HECW2: variants seen among roughly 807,000 people sequenced by gnomAD.
The protein encoded by HECW2 is E3 ubiquitin-protein ligase HECW2.
HECW2 carries 61 observed loss-of-function variants against 175.2 expected under a neutral mutation model. The observed-to-expected ratio is 0.35, with a 90% CI of 0.28 to 0.43. The LOEUF is 0.43. Among genes scored for constraint, HECW2 ranks in the 20% least tolerant of loss-of-function variants. The pLI, the probability that HECW2 is intolerant of heterozygous loss-of-function variation, is 1.00. For synonymous variants in HECW2, 671 were observed against 731.0 expected (o/e 0.92, Z 1.32); for missense variants, 1,524 against 2,000.5 (o/e 0.76, Z 4.54).
intron 2 of HECW2, among the ~76,000 whole-genome samples, chr2:196,415,089 T>C (rs1695218073): frequency 1.3e-5 from 2 of 152,188 alleles, no homozygotes; most frequent in East Asian, 3.8e-4. Context: ...TCCAGAATCA[T>C]TCTCATGACC....
At chr2:196,397,134 CAAAAAAAAAA>C (rs10534508) in intron 2 of HECW2, among the ~76,000 whole-genome samples, 28 of 151,518 alleles carry the variant, frequency 1.8e-4, no homozygotes, top group African/African-American at 6.6e-4. Context: ...CAAAACAAAA[CAAAAAAAAAA>C]AAAACAAAAA....
intron 2 of HECW2, among the ~76,000 whole-genome samples, chr2:196,401,610 G>T (rs1177657633): frequency 6.6e-6 from 1 of 152,124 alleles, no homozygotes; most frequent in East Asian, 1.9e-4. Context: ...CAAAATATTA[G>T]GTTCAGGTGA....
intron 1 of HECW2, among the ~76,000 whole-genome samples, chr2:196,507,598 C>A (rs1183366519): frequency 3.9e-5 from 6 of 152,136 alleles, no homozygotes; most frequent in African/African-American, 1.2e-4. Context: ...AGTTGAGAAA[C>A]CCTGACTTAA....
At chr2:196,300,906 C>CA (rs1691024802) in intron 13 of HECW2, among the ~76,000 whole-genome samples, 1 of 151,588 alleles carries the variant, frequency 6.6e-6, no homozygotes, top group Non-Finnish European at 1.5e-5. Context: ...GGTATGTGTG[C>CA]AGGTTGTGCA....
intron 1 of HECW2, among the ~76,000 whole-genome samples, chr2:196,556,401 T>A (rs1689796195): frequency 6.6e-6 from 1 of 152,180 alleles, no homozygotes; most frequent in Admixed American, 6.5e-5. Context: ...CCAGAATGTA[T>A]TCATCTTATA....
chr2:196,528,002 T>C (rs1653129601), intron 1 of HECW2, among the ~76,000 whole-genome samples: 1 of 152,176 alleles, frequency 6.6e-6, no homozygotes, highest in Non-Finnish European at 1.5e-5. Flanking sequence ...CCATAAAAGA[T>C]TGAGTGATTT....
At chr2:196,420,609 G>C (rs910025919) in intron 2 of HECW2, among the ~76,000 whole-genome samples, 5 of 152,128 alleles carry the variant, frequency 3.3e-5, no homozygotes, top group Non-Finnish European at 7.4e-5. Flanking sequence ...AAACCAACAA[G>C]GATTTGAAGT....
intron 1 of HECW2, among the ~76,000 whole-genome samples, chr2:196,518,050 G>C (rs917115727): frequency 6.6e-6 from 1 of 152,026 alleles, no homozygotes; most frequent in East Asian, 1.9e-4. Flanking sequence ...AAATACGAAG[G>C]GGAGAAAGAA....
intron 21 of HECW2, among the ~76,000 whole-genome samples, chr2:196,237,909 T>G (rs746853902): frequency 2.0e-5 from 3 of 152,216 alleles, no homozygotes; most frequent in Non-Finnish European, 4.4e-5. Context: ...TGCTTAGTGT[T>G]AGAATCAGCC....
chr2:196,364,955 AG>A (rs1298163165), intron 2 of HECW2, among the ~76,000 whole-genome samples: 8 of 152,312 alleles, frequency 5.3e-5, no homozygotes, highest in South Asian at 4.1e-4. Flanking sequence ...ATTGATGTAA[AG>A]GGATAGAAAG....
intron 1 of HECW2, among the ~76,000 whole-genome samples, chr2:196,486,663 T>C (rs773019873): frequency 1.3e-5 from 2 of 152,126 alleles, no homozygotes; most frequent in African/African-American, 2.4e-5. Context: ...TACTGCAAAC[T>C]TGGACTATTT....
At chr2:196,272,823 T>A (rs754425868) in intron 16 of HECW2, among the ~76,000 whole-genome samples, 3 of 152,140 alleles carry the variant, frequency 2.0e-5, no homozygotes, top group Non-Finnish European at 4.4e-5. Flanking sequence ...CCCACATAAC[T>A]GTCTAAGCAA....
chr2:196,491,438 C>T (rs1368357425), intron 1 of HECW2, among the ~76,000 whole-genome samples: 2 of 144,436 alleles, frequency 1.4e-5, no homozygotes, highest in Non-Finnish European at 3.0e-5. Context: ...TGTATATACA[C>T]ACATATATAC....
intron 1 of HECW2, among the ~76,000 whole-genome samples, chr2:196,547,839 C>T (rs1318649201): frequency 6.6e-6 from 1 of 152,196 alleles, no homozygotes; most frequent in Non-Finnish European, 1.5e-5. Context: ...TCATATCCAG[C>T]TTCACAGTCA....
rs548178423 is a variant in HECW2, at chr2:196,241,883, T to C, written c.3650+201A>G. 3.9e-5 allele frequency among the ~76,000 whole-genome samples: 6 copies of C among 152,362 alleles called. No individual in the cohort carries two copies. The East Asian group carries it at 7.7e-4, about 20-fold the overall frequency. On this transcript the variant is annotated intron_variant, in intron 20 of 28. Transcript: ENST00000644978. ...TGAAAAGTGGCAGTGTCTTCACTAT[T>C]TGTTTTAAAATGTTAAGCTTAATCA...
intron 1 of HECW2, among the ~76,000 whole-genome samples, chr2:196,442,900 A>G (rs1433118906): frequency 6.6e-6 from 1 of 152,204 alleles, no homozygotes; most frequent in African/African-American, 2.4e-5. Flanking sequence ...ATTACAATAA[A>G]TGGTTATCTT....
intron 13 of HECW2, among the ~76,000 whole-genome samples, chr2:196,301,661 C>T (rs1375399900): frequency 6.6e-6 from 1 of 151,162 alleles, no homozygotes; most frequent in Non-Finnish European, 1.5e-5. Context: ...TGTTTGTAGG[C>T]CACGTGTATG....
At position 196,229,416 on chromosome 2, in the gene HECW2, T is replaced by C. The variant is rs143841510; in HGVS notation, c.3765-1162A>G. 2.6e-3 allele frequency among the ~76,000 whole-genome samples: 394 copies of C among 152,192 alleles called. 14 individuals are homozygous for C. In the East Asian group the frequency reaches 0.07, roughly 27 times the overall value. On this transcript the variant is annotated intron_variant, in intron 21 of 28. Transcript: ENST00000644978. ...GGCTCATGCCTGTAATCCCAGCACT[T>C]TGGGAAGCCAAGGCGGGAAGATCCA...
intron 1 of HECW2, among the ~76,000 whole-genome samples, chr2:196,474,141 C>A (rs2125357995): frequency 6.6e-6 from 1 of 152,348 alleles, no homozygotes; most frequent in East Asian, 1.9e-4. Context: ...CTCCTCTTGG[C>A]CTTCAAGCTA....
Sources: gnomAD v4.1 joint callset for allele counts (sites outside exome capture counted in the v4.1 genomes callset) on GRCh38, gnomAD v4.1.1 for gene constraint, MANE v1.5 for transcripts, NCBI Gene and HGNC (gene_info 2026-07-23, HGNC 2026-07-21) for gene names.